The following CMTM8 variants were observed in gnomAD, a reference collection of about 807,000 sequenced individuals.
CMTM8 encodes CKLF-like MARVEL transmembrane domain-containing protein 8.
CMTM8 carries 12 observed loss-of-function variants against 18.6 expected under a neutral mutation model. The ratio of observed to expected loss-of-function variants is 0.65; its 90% CI spans 0.41 to 1.05. The LOEUF (loss-of-function observed/expected upper bound fraction) is 1.05. Ranked by LOEUF, CMTM8 falls within the 50% of genes least tolerant of loss-of-function variation. CMTM8 has a pLI of 0.00. For missense variants in CMTM8, 217 were observed against 227.2 expected (o/e 0.95, Z 0.29); for synonymous variants, 87 against 90.6 (o/e 0.96, Z 0.23).
At chr3:32,243,741 G>A (rs1484122323) in intron 1 of CMTM8, 1 of 152,456 alleles carries the variant, frequency 6.6e-6, no homozygotes, top group Non-Finnish European at 1.5e-5. Context: ...ACCATGTACA[G>A]TGTGAGCCAT....
chr3:32,269,521 G>C (rs1184533234), intron 1 of CMTM8, among the ~76,000 whole-genome samples: 1 of 152,188 alleles, frequency 6.6e-6, no homozygotes, highest in African/African-American at 2.4e-5. Context: ...GAAGACCAAA[G>C]CTCAGTTAAC....
chr3:32,272,690 A>C (rs1702456282), intron 1 of CMTM8, among the ~76,000 whole-genome samples: 2 of 152,078 alleles, frequency 1.3e-5, no homozygotes, highest in African/African-American at 4.8e-5. Context: ...AACCCAAATG[A>C]GAGAATATGT....
chr3:32,328,397 T>TAAAAAAAAAAAAAA (rs1696205947), intron 1 of CMTM8, among the ~76,000 whole-genome samples: 1 of 86,892 alleles, frequency 1.2e-5, no homozygotes, highest in African/African-American at 4.4e-5. Flanking sequence ...AAAAAAAAAG[T>TAAAAAAAAAAAAAA]AATCCCGGCT....
intron 1 of CMTM8, among the ~76,000 whole-genome samples, chr3:32,298,001 T>G (rs6793780): frequency 0.3 from 45,845 of 151,346 alleles, 7,592 homozygotes; most frequent in Admixed American, 0.36. Context: ...TTCATGGTCA[T>G]CAGCAGCAGC....
intron 1 of CMTM8, among the ~76,000 whole-genome samples, chr3:32,271,588 T>C (rs1702439599): frequency 6.6e-6 from 1 of 152,234 alleles, no homozygotes; most frequent in Non-Finnish European, 1.5e-5. Context: ...GTTCCATAAC[T>C]TTTAAAGTTT....
chr3:32,366,986 T>C (rs1464140419), intron 2 of CMTM8, among the ~76,000 whole-genome samples: 1 of 151,992 alleles, frequency 6.6e-6, no homozygotes, highest in Non-Finnish European at 1.5e-5. Flanking sequence ...AGTGGGAAAA[T>C]TCTATGTAGC....
intron 1 of CMTM8, among the ~76,000 whole-genome samples, chr3:32,271,415 C>CAGCT (rs562391014): frequency 8.1e-4 from 123 of 152,346 alleles, no homozygotes; most frequent in South Asian, 2.1e-3. Flanking sequence ...CCACCACGCC[C>CAGCT]AGCTGCGTTC....
At chr3:32,356,785 G>A (rs1696822279) in intron 1 of CMTM8, among the ~76,000 whole-genome samples, 1 of 152,156 alleles carries the variant, frequency 6.6e-6, no homozygotes, top group African/African-American at 2.4e-5. Flanking sequence ...TTCCAGCCAT[G>A]GATGTTGTTT....
intron 1 of CMTM8, among the ~76,000 whole-genome samples, chr3:32,331,512 C>A: frequency 7.0e-6 from 1 of 143,038 alleles, no homozygotes; most frequent in Non-Finnish European, 1.5e-5. Flanking sequence ...ATCTTAAATT[C>A]AGCTGATTAA....
intron 1 of CMTM8, among the ~76,000 whole-genome samples, chr3:32,285,433 T>G (rs893041097): frequency 6.6e-6 from 1 of 151,862 alleles, no homozygotes; most frequent in African/African-American, 2.4e-5. Context: ...GAAAATTGCT[T>G]GAACCTGGAA....
At chr3:32,254,429 C>T (rs947188181) in intron 1 of CMTM8, among the ~76,000 whole-genome samples, 1 of 151,786 alleles carries the variant, frequency 6.6e-6, no homozygotes, top group South Asian at 2.1e-4. Context: ...ATTTGTATAC[C>T]CAGTCTGAGA....
At chr3:32,362,181 C>G (rs1483141828) in intron 2 of CMTM8, among the ~76,000 whole-genome samples, 2 of 151,748 alleles carry the variant, frequency 1.3e-5, no homozygotes, top group Non-Finnish European at 2.9e-5. Context: ...TCTGGGATTA[C>G]AGGCGCTCAC....
At position 32,358,358 on chromosome 3, in the gene CMTM8, T is replaced by C. The variant is rs1285329785; in HGVS notation, c.321+812T>C. ...TGCCTTAAGAGCATTGACAATCTGG[T>C]TGGCAAATTCAAAGTAGCTAAATGA... is the stretch of plus-strand genomic sequence containing the variant. On this transcript the variant is annotated intron_variant, in intron 2 of 3. Coordinates refer to ENST00000307526, the MANE Select transcript of CMTM8 (RefSeq NM_178868.5). The surrounding 1 kb of genome is among the most constrained non-coding windows in gnomAD (Gnocchi z 4.1). 6.6e-6 allele frequency among the ~76,000 whole-genome samples: 1 copy of C among 152,178 alleles called. No individual in the cohort carries two copies. The highest frequency in any genetic ancestry group is 1.9e-4 in the East Asian group (1 of 5,190).
chr3:32,360,722 A>G (rs138073232), intron 2 of CMTM8, among the ~76,000 whole-genome samples: 1 of 152,312 alleles, frequency 6.6e-6, no homozygotes, highest in African/African-American at 2.4e-5. Flanking sequence ...GGACTGCCTA[A>G]ACTCTTGCTG....
rs1003152856 is a variant in CMTM8, at chr3:32,336,333, G to A, written c.148-21040G>A. ...AGGGGACCTGTGATAAAGTGGAGTC[G>A]GCACAAATCAAGGCTTGTACATGTA... On this transcript the variant is annotated intron_variant, in intron 1 of 3. Transcript: ENST00000307526. Among the ~76,000 whole-genome samples, 3 of 152,306 alleles carry A rather than the reference G, an allele frequency of 2.0e-5. No individual in the cohort carries two copies. The South Asian group carries it at 6.2e-4, about 32-fold the overall frequency.
chr3:32,261,171 A>G (rs1266614701), intron 1 of CMTM8, among the ~76,000 whole-genome samples: 2 of 46,594 alleles, frequency 4.3e-5, no homozygotes, highest in Non-Finnish European at 1.2e-4. Context: ...GTCCATCTCA[A>G]AAAAAAAAAA....
chr3:32,331,449 A>T (rs989996994), intron 1 of CMTM8, among the ~76,000 whole-genome samples: 1 of 152,154 alleles, frequency 6.6e-6, no homozygotes, highest in Non-Finnish European at 1.5e-5. Flanking sequence ...TATATGACCC[A>T]ACAATCCCAC....
intron 1 of CMTM8, among the ~76,000 whole-genome samples, chr3:32,323,847 A>G (rs868229970): frequency 6.6e-6 from 1 of 152,176 alleles, no homozygotes; most frequent in Non-Finnish European, 1.5e-5. Flanking sequence ...AACACTATCA[A>G]GTTGTTGCAG....
chr3:32,297,324 G>T (rs968508835), intron 1 of CMTM8, among the ~76,000 whole-genome samples: 1 of 151,860 alleles, frequency 6.6e-6, no homozygotes, highest in Non-Finnish European at 1.5e-5. Context: ...GATTACAGGC[G>T]CCCGCCACTG....
Sources: allele counts gnomAD v4.1 joint callset (sites outside exome capture counted in the v4.1 genomes callset), GRCh38; gene constraint gnomAD v4.1.1; non-coding constraint Gnocchi (gnomAD v3.1); transcripts MANE v1.5; gene names NCBI Gene and HGNC (gene_info 2026-07-23, HGNC 2026-07-21).